GNPTG: variants seen among roughly 807,000 people sequenced by gnomAD.
GNPTG encodes N-acetylglucosamine-1-phosphotransferase subunit gamma.
A neutral mutation model predicts 43.8 loss-of-function variants in GNPTG; 46 were observed. That is an observed-to-expected ratio of 1.05 (90% CI 0.83 to 1.34). GNPTG has a LOEUF of 1.34. Ranked by LOEUF, GNPTG falls within the 40% of genes most tolerant of loss-of-function variation. The probability of loss-of-function intolerance (pLI) is 0.00; values close to 1 mark genes in which losing one functional copy is unlikely to be tolerated. For missense variants in GNPTG, 549 were observed against 411.3 expected (o/e 1.33, Z -2.90); for synonymous variants, 250 against 172.8 (o/e 1.45, Z -3.50).
intron 3 of GNPTG, among the ~76,000 whole-genome samples, chr16:1,359,659 C>G (rs1276623646): frequency 2.0e-5 from 3 of 152,222 alleles, no homozygotes; most frequent in African/African-American, 7.2e-5. Flanking sequence ...TCTCTCAACT[C>G]TGTCTTTAAG....
At position 1,361,781 on chromosome 16, in the gene GNPTG, A is replaced by C. The variant is rs1250829137; in HGVS notation, c.217A>C (p.Ser73Arg). ...HLFRLSGKCF[S>R]LVESTYKYEF... ...CTTCCGACTCTCGGGCAAGTGCTTCAGCCTGGTGGAGTCCACGTGAGTGCA... is the reference window on the plus strand; with the variant it reads ...CTTCCGACTCTCGGGCAAGTGCTTCCGCCTGGTGGAGTCCACGTGAGTGCA... The change falls in exon 4 of 11, where the codon AGC becomes CGC. Residue 73 changes from serine (S) to arginine (R), a missense_variant. Physicochemically the swap from Ser to Arg is moderately radical, Grantham distance 110. Coordinates refer to ENST00000204679, the MANE Select transcript of GNPTG (RefSeq NM_032520.5). The C allele has an allele frequency of 1.9e-6, 3 of 1,613,664 alleles. No homozygotes were observed. The African/African-American group carries it at 4.0e-5, about 22-fold the overall frequency.
At chr16:1,358,083 T>G (rs887400832) in intron 3 of GNPTG, 3 of 152,368 alleles carry the variant, frequency 2.0e-5, no homozygotes, top group African/African-American at 7.2e-5. Context: ...GGGTGGCTGC[T>G]GTGGCTTGAC....
At chr16:1,355,495 G>A (rs2034760504) in intron 3 of GNPTG, among the ~76,000 whole-genome samples, 2 of 151,944 alleles carry the variant, frequency 1.3e-5, no homozygotes. Flanking sequence ...CTGGGCAGTG[G>A]GCAGCTCCAT....
At position 1,362,837 on chromosome 16, in the gene GNPTG, C is replaced by G. The variant is rs1489972937; in HGVS notation, c.754C>G (p.Leu252Val). ...TTGTGGTTGGTAGGCTCATAAAGAA[C>G]TCTCAAAGGAGATCAAAAGGCTGAA... ...LENCRKAHKE[L>V]SKEIKRLKGL... Residue 252 changes from leucine to valine, a missense_variant, in exon 10 of 11, where the codon CTC (leucine) becomes GTC (valine). Leu to Val is a conservative substitution (Grantham distance 32, BLOSUM62 1). Coordinates refer to ENST00000204679, the MANE Select transcript of GNPTG (RefSeq NM_032520.5). The G allele has an allele frequency of 6.2e-7, 1 of 1,613,878 alleles. No homozygotes were observed. The highest frequency in any genetic ancestry group is 1.3e-5 in the African/African-American group (1 of 74,942).
chr16:1,359,368 A>G (rs1291627251), intron 3 of GNPTG, among the ~76,000 whole-genome samples: 1 of 152,064 alleles, frequency 6.6e-6, no homozygotes, highest in Non-Finnish European at 1.5e-5. Context: ...TCCCAGGCTC[A>G]AGGAATTCTC....
Position 1,362,522 on chromosome 16 carries a change from G to T in GNPTG, c.597G>T (p.Leu199=), listed in dbSNP as rs112266724. 5.1e-5 allele frequency: 83 copies of T among 1,614,058 alleles called. No individual in the cohort carries two copies. Among genetic ancestry groups the T allele is most frequent in the Non-Finnish European group, 6.8e-5 (80 of 1,180,038 alleles). The part of the protein sequence containing the change: ...DQVEQDLADE[L]ITPQGHEKLL... Reference sequence around the variant, plus strand: ...TAGAGCAGGACCTGGCCGATGAGCTGATCACCCCCCAGGTAAGCGTGCGCT... The same window carrying T: ...TAGAGCAGGACCTGGCCGATGAGCTTATCACCCCCCAGGTAAGCGTGCGCT... Residue 199 remains leucine, a synonymous_variant, in exon 8 of 11, where the codon CTG becomes CTT. Transcript: ENST00000204679.
At chr16:1,353,256 C>A (rs1380770777) in intron 3 of GNPTG, among the ~76,000 whole-genome samples, 1 of 152,180 alleles carries the variant, frequency 6.6e-6, no homozygotes, top group African/African-American at 2.4e-5. Flanking sequence ...GGATTATAGG[C>A]GTGAGCCACC....
Position 1,363,015 on chromosome 16 carries a change from A to AC in GNPTG, c.843dup (p.His284ProfsTer15), listed in dbSNP as rs2034958641. ...TTGGCAGAAACTTCCAACTTGGAGCACTTGGGCCACGAGACGCCCAGAGCC... is the reference window on the plus strand; with the variant it reads ...TTGGCAGAAACTTCCAACTTGGAGCACCTTGGGCCACGAGACGCCCAGAGCC... On this transcript the variant is annotated frameshift_variant, in exon 11 of 11. Transcript: ENST00000204679. LOFTEE classifies it low-confidence loss of function (END_TRUNC). 1.2e-6 allele frequency: 2 copies of AC among 1,614,016 alleles called. No individual in the cohort carries two copies. The highest frequency in any genetic ancestry group is 1.7e-6 in the Non-Finnish European group (2 of 1,180,028).
At position 1,362,888 on chromosome 16, in the gene GNPTG, C is replaced by T. The variant is rs1567185562; in HGVS notation, c.805C>T (p.Pro269Ser). The T allele has an allele frequency of 1.9e-6, 3 of 1,613,998 alleles. No individual in the cohort carries two copies. In the African/African-American group the frequency reaches 4.0e-5, roughly 22 times the overall value. Reference sequence around the variant, plus strand: ...AGGTTTGCTCACCCAGCACGGCATCCCCTACACGAGGCCCACAGGTGAGTC... The same window carrying T: ...AGGTTTGCTCACCCAGCACGGCATCTCCTACACGAGGCCCACAGGTGAGTC... ...LKGLLTQHGI[P>S]YTRPTETSNL... Residue 269 changes from proline (P) to serine (S), a missense_variant, in exon 10 of 11, where the codon CCC becomes TCC. Coordinates refer to ENST00000204679, the MANE Select transcript of GNPTG (RefSeq NM_032520.5).
chr16:1,351,965 G>T lies in GNPTG; in HGVS notation c.-1G>T. On this transcript the variant is annotated 5_prime_UTR_variant, in exon 1 of 11. Coordinates refer to ENST00000204679, the MANE Select transcript of GNPTG (RefSeq NM_032520.5). ...GACCGCGCGGCGGCCGCTGCGGCGC[G>T]ATGGCGGCGGGGCTGGCGCGGCTCC... 7.7e-7 allele frequency: 1 copy of T among 1,300,680 alleles called. No individual in the cohort carries two copies. Among genetic ancestry groups the T allele is most frequent in the Non-Finnish European group, 9.7e-7 (1 of 1,029,636 alleles). 80.6% of individuals were successfully genotyped at this position (1,300,680 alleles called of 1,614,324 possible).
chr16:1,363,249 T>C lies in GNPTG; in HGVS notation c.*158T>C, dbSNP rs1227015687. ...TAATTCCCATACTGATAAAAATAAC[T>C]CCATGAATTCTGTAAACCATTGCAT... is the stretch of plus-strand genomic sequence containing the variant. On this transcript the variant is annotated 3_prime_UTR_variant, in exon 11 of 11. Transcript: ENST00000204679. The C allele has an allele frequency of 4.8e-5, 33 of 694,634 alleles. No homozygotes were observed. Among genetic ancestry groups the C allele is most frequent in the Non-Finnish European group, 7.9e-5 (31 of 392,744 alleles). 43.0% of individuals were successfully genotyped at this position (694,634 alleles called of 1,614,324 possible).
At chr16:1,352,352 G>A in intron 3 of GNPTG, 46 bp downstream of exon 3, 2 of 1,532,824 alleles carry the variant, frequency 1.3e-6, no homozygotes, top group Non-Finnish European at 1.8e-6. Context: ...GCCGCGGGGA[G>A]CAGCAACAGT....
intron 3 of GNPTG, among the ~76,000 whole-genome samples, chr16:1,354,588 A>AAAAAAAAAAAAAAAG (rs2034740200): frequency 7.1e-6 from 1 of 140,566 alleles, no homozygotes; most frequent in Non-Finnish European, 1.5e-5. Flanking sequence ...TTCGTCTCAA[A>AAAAAAAAAAAAAAAG]AAAAAAAAAA....
rs572001001 is a variant in GNPTG at position 1,353,196 on chromosome 16, C to T, written c.178+890C>T. On this transcript the variant is annotated intron_variant, in intron 3 of 10. Transcript: ENST00000204679. ...TTCACCGTATTGACCAGGCGGGTCT[C>T]GAACTCCTGACCTCAAGTGATCCGC... Among the ~76,000 whole-genome samples the T allele has an allele frequency of 1.1e-3, 170 of 152,290 alleles. 1 individual carries two copies. Among genetic ancestry groups the T allele is most frequent in the Non-Finnish European group, 2.9e-4 (20 of 68,030 alleles).
chr16:1,358,668 C>T (rs767295216), intron 3 of GNPTG, among the ~76,000 whole-genome samples: 4 of 152,134 alleles, frequency 2.6e-5, no homozygotes, highest in Non-Finnish European at 5.9e-5. Flanking sequence ...AACCACCAAA[C>T]TGTTTGCATA....
intron 3 of GNPTG, among the ~76,000 whole-genome samples, chr16:1,352,809 A>G (rs534837097): frequency 6.6e-6 from 1 of 152,220 alleles, no homozygotes; most frequent in East Asian, 1.9e-4. Flanking sequence ...GGCCATTAGA[A>G]ATAGTTCTGT....
intron 5 of GNPTG, 23 bp from the exon 6 acceptor site, chr16:1,362,015 G>A (rs371160615): frequency 4.4e-5 from 71 of 1,612,848 alleles, no homozygotes; most frequent in African/African-American, 3.1e-4. Context: ...CCGGCCTCAC[G>A]TGCCGTGCCC....
At position 1,361,767 on chromosome 16, in the gene GNPTG, C is replaced by A. The variant is rs552402857; in HGVS notation, c.203C>A (p.Ser68Ter). 3.1e-6 allele frequency: 5 copies of A among 1,611,878 alleles called. No individual in the cohort carries two copies. The highest frequency in any genetic ancestry group is 3.4e-6 in the Non-Finnish European group (4 of 1,178,904). Residue 68 changes from serine (S) to a stop codon, truncating the protein, a stop_gained, in exon 4 of 11, where the codon TCG (serine) becomes TAG (stop). Transcript: ENST00000204679. LOFTEE classifies it high-confidence loss of function. ...GGACCCGTGCATCTCTTCCGACTCT[C>A]GGGCAAGTGCTTCAGCCTGGTGGAG... ...VSGPVHLFRL[S>*]GKCFSLVEST...
intron 10 of GNPTG, 41 bp downstream of exon 10, chr16:1,362,947 C>G: frequency 6.2e-7 from 1 of 1,613,794 alleles, no homozygotes; most frequent in Non-Finnish European, 8.5e-7. Context: ...CACCATCACA[C>G]TCGCCACCTG....
Sources: gnomAD v4.1 joint callset for allele counts (sites outside exome capture counted in the v4.1 genomes callset) on GRCh38, gnomAD v4.1.1 for gene constraint, MANE v1.5 for transcripts, NCBI Gene and HGNC (gene_info 2026-07-23, HGNC 2026-07-21) for gene names.